TRPV5: variants seen among roughly 807,000 people sequenced by gnomAD.
The protein encoded by TRPV5 is transient receptor potential cation channel subfamily V member 5.
Under a neutral mutation model 74.1 loss-of-function variants are expected in TRPV5, and 66 were observed. The ratio of observed to expected loss-of-function variants is 0.89; its 90% CI spans 0.73 to 1.09. The LOEUF (loss-of-function observed/expected upper bound fraction) is 1.09. TRPV5 is among the 50% of genes least tolerant of loss of function. The pLI, the probability that TRPV5 is intolerant of heterozygous loss-of-function variation, is 0.00. For synonymous variants in TRPV5, 399 were observed against 360.7 expected (o/e 1.11, Z -1.20); for missense variants, 936 against 930.4 (o/e 1.01, Z -0.08).
chr7:142,920,393 A>G (rs141257644), intron 8 of TRPV5, among the ~76,000 whole-genome samples: 2 of 152,296 alleles, frequency 1.3e-5, no homozygotes, highest in Non-Finnish European at 2.9e-5. Context: ...GGAGAGGAGT[A>G]TCTGGGGGTA....
chr7:142,912,708 C>T lies in TRPV5; in HGVS notation c.1562G>A (p.Gly521Glu), dbSNP rs1486702119. ...IFQTEDPTSLGQFYDYPMALF... is the reference protein window; with the variant it reads ...IFQTEDPTSLEQFYDYPMALF... The stretch of plus-strand genomic sequence containing the variant: ...TGCCATGGGGTAGTCATAGAATTGC[C>T]CCAGACTGGTTGGGTCCTCTGTCTG... Residue 521 changes from glycine (G) to glutamate (E), a missense_variant, in exon 13 of 15, where the codon GGG becomes GAG. Physicochemically the swap from Gly to Glu is moderately conservative, Grantham distance 98 (BLOSUM62 -2). Transcript: ENST00000265310. The T allele has an allele frequency of 6.2e-7, 1 of 1,614,052 alleles. No homozygotes were observed. The highest frequency in any genetic ancestry group is 1.3e-5 in the African/African-American group (1 of 74,920).
At chr7:142,916,487 CTG>C (rs3081041) in intron 8 of TRPV5, among the ~76,000 whole-genome samples, 16,785 of 152,184 alleles carry the variant, frequency 0.11, 1,657 homozygotes, top group African/African-American at 0.27. Context: ...TTCTACAAAA[CTG>C]TGTTCCCATG....
chr7:142,912,843 T>TCTAC (rs1467060977), intron 12 of TRPV5, 93 bp from the exon 13 acceptor site: 9 of 812,010 alleles, frequency 1.1e-5, no homozygotes, highest in African/African-American at 1.0e-4. Context: ...CTCTGATCTA[T>TCTAC]CTATCTATCT....
At chr7:142,920,283 C>G (rs1021709610) in intron 8 of TRPV5, among the ~76,000 whole-genome samples, 4 of 152,194 alleles carry the variant, frequency 2.6e-5, no homozygotes, top group Non-Finnish European at 5.9e-5. Context: ...GAGATTACCC[C>G]TTTCTTCTGA....
intron 8 of TRPV5, 81 bp downstream of exon 8, chr7:142,925,448 G>A (rs1468356188): frequency 1.5e-5 from 22 of 1,475,588 alleles, no homozygotes; most frequent in East Asian, 6.8e-5. Context: ...GCGTGGCATC[G>A]TCCCTGAGTA....
intron 12 of TRPV5, among the ~76,000 whole-genome samples, chr7:142,913,335 C>T (rs962904862): frequency 1.3e-5 from 2 of 152,204 alleles, no homozygotes; most frequent in African/African-American, 4.8e-5. Flanking sequence ...CAGGACAGCG[C>T]TGGACTGCTT....
chr7:142,914,527 CA>C (rs137964684), intron 12 of TRPV5, 112 bp downstream of exon 12: 450 of 971,144 alleles, frequency 4.6e-4, no homozygotes, highest in East Asian at 9.8e-4. Flanking sequence ...AAAAAACAAA[CA>C]AAAAAAAAGA....
rs749672186 is a variant in TRPV5, at chr7:142,933,377, T to C, written c.83A>G (p.Asp28Gly). 1 of 1,614,128 alleles carries C rather than the reference T, an allele frequency of 6.2e-7. No homozygotes were observed. Among genetic ancestry groups the C allele is most frequent in the Non-Finnish European group, 8.5e-7 (1 of 1,180,038 alleles). The change falls in exon 1 of 15, where the codon GAC becomes GGC. Residue 28 changes from aspartate (D) to glycine (G), a missense_variant. Transcript: ENST00000265310. The part of the protein sequence containing the change: ...LLPSFLVREQ[D>G]WDQHLDKLHM... Reference sequence around the variant, plus strand: ...AAGCTTGTCCAGGTGCTGGTCCCAGTCTTGTTCTCTGACCAGAAAGGAGGG... The same window carrying C: ...AAGCTTGTCCAGGTGCTGGTCCCAGCCTTGTTCTCTGACCAGAAAGGAGGG...
rs755783217 is a variant in TRPV5 at position 142,925,604 on chromosome 7, G to A, written c.1047C>T (p.Tyr349=). ...YMICFTTCCV[Y]RPLKFRGGNR... is the part of the protein sequence containing the mutation. ...TGCCACCACGAAACTTAAGGGGGCGGTAGACGCAGCACGTAGTAAAGCAGA... is the reference window on the plus strand; with the variant it reads ...TGCCACCACGAAACTTAAGGGGGCGATAGACGCAGCACGTAGTAAAGCAGA... The change falls in exon 8 of 15, where the codon TAC becomes TAT. Residue 349 remains tyrosine, a synonymous_variant. Coordinates refer to ENST00000265310, the MANE Select transcript of TRPV5 (RefSeq NM_019841.7). The A allele has an allele frequency of 5.0e-6, 8 of 1,614,176 alleles. No individual in the cohort carries two copies. In the South Asian group the frequency reaches 7.7e-5, roughly 16 times the overall value.
chr7:142,919,191 T>G (rs1413391553), intron 8 of TRPV5, among the ~76,000 whole-genome samples: 1 of 152,200 alleles, frequency 6.6e-6, no homozygotes, highest in East Asian at 1.9e-4. Flanking sequence ...CTGCTGTGTA[T>G]TGACAGCCCT....
In TRPV5 at chr7:142,924,345, T is replaced by TATACATATACATGTATATATATAC. The variant is rs1795942822; in HGVS notation, c.1122+1183_1122+1184insGTATATATATACATGTATATGTAT. Among the ~76,000 whole-genome samples, 5 of 10,906 alleles carry TATACATATACATGTATATATATAC rather than the reference T, an allele frequency of 4.6e-4. 1 individual carries two copies. Among genetic ancestry groups the TATACATATACATGTATATATATAC allele is most frequent in the African/African-American group, 9.1e-4 (5 of 5,466 alleles). The allele number at this position is 10,906 out of a possible 152,430, so 7.2% of individuals were successfully genotyped here. A position where few individuals can be genotyped will look rare whatever the true frequency, so the allele number is the denominator to read the frequency against. On this transcript the variant is annotated intron_variant, in intron 8 of 14. Transcript: ENST00000265310. ...ATACATGTATATATATACATATATA[T>TATACATATACATGTATATATATAC]ATATATAGACATATACATGTATATA... is the stretch of plus-strand genomic sequence containing the variant.
chr7:142,932,568 C>T (rs1054089434), intron 1 of TRPV5, among the ~76,000 whole-genome samples: 8 of 152,160 alleles, frequency 5.3e-5, no homozygotes, highest in African/African-American at 1.9e-4. Flanking sequence ...CAACCTCACC[C>T]CTCAGGCAGC....
chr7:142,916,199 T>C (rs1238916300), intron 8 of TRPV5, among the ~76,000 whole-genome samples: 3 of 152,330 alleles, frequency 2.0e-5, no homozygotes, highest in Non-Finnish European at 4.4e-5. Flanking sequence ...TATAGATATA[T>C]TCACTGTGGT....
At chr7:142,914,267 T>C (rs751825509) in intron 12 of TRPV5, among the ~76,000 whole-genome samples, 29 of 152,232 alleles carry the variant, frequency 1.9e-4, no homozygotes, top group Non-Finnish European at 3.2e-4. Context: ...GAGTTAAGCA[T>C]GGCACTATCT....
chr7:142,913,622 C>T (rs745574993), intron 12 of TRPV5, among the ~76,000 whole-genome samples: 16 of 152,100 alleles, frequency 1.1e-4, no homozygotes, highest in Non-Finnish European at 2.1e-4. Context: ...ACAGGCAGAA[C>T]GCCATGGTTT....
At chr7:142,917,525 T>G (rs915858112) in intron 8 of TRPV5, among the ~76,000 whole-genome samples, 1 of 152,180 alleles carries the variant, frequency 6.6e-6, no homozygotes, top group African/African-American at 2.4e-5. Context: ...AGCCATTCCT[T>G]CAGGAGATGA....
At chr7:142,923,741 G>A (rs1022424740) in intron 8 of TRPV5, among the ~76,000 whole-genome samples, 2 of 152,070 alleles carry the variant, frequency 1.3e-5, no homozygotes, top group African/African-American at 2.4e-5. Flanking sequence ...CAAAGGAGGC[G>A]GTCTTTTACA....
chr7:142,911,533 G>T (rs1032587632), intron 13 of TRPV5, among the ~76,000 whole-genome samples: 1 of 152,256 alleles, frequency 6.6e-6, no homozygotes, highest in Non-Finnish European at 1.5e-5. Flanking sequence ...TTCCCAGTCC[G>T]ATTCCTCTGT....
intron 8 of TRPV5, among the ~76,000 whole-genome samples, chr7:142,915,949 T>C (rs1795788526): frequency 6.6e-6 from 1 of 152,204 alleles, no homozygotes; most frequent in African/African-American, 2.4e-5. Context: ...AAAGTCCACC[T>C]TTTCCAACCT....
Sources: gnomAD v4.1 joint callset for allele counts (sites outside exome capture counted in the v4.1 genomes callset) on GRCh38, gnomAD v4.1.1 for gene constraint, MANE v1.5 for transcripts, NCBI Gene and HGNC (gene_info 2026-07-23, HGNC 2026-07-21) for gene names.